SLC4A4: variants seen among roughly 807,000 people sequenced by gnomAD.
The protein encoded by SLC4A4 is electrogenic sodium bicarbonate cotransporter 1.
In SLC4A4, 27 loss-of-function variants were observed where a neutral mutation model predicts 111.5. That is an observed-to-expected ratio of 0.24 (90% CI 0.18 to 0.33). The LOEUF is 0.33. Among genes scored for constraint, SLC4A4 ranks in the 10% least tolerant of loss-of-function variants. The pLI, the probability that SLC4A4 is intolerant of heterozygous loss-of-function variation, is 1.00. For missense variants in SLC4A4, 909 were observed against 1,315.5 expected (o/e 0.69, Z 4.78); for synonymous variants, 443 against 463.4 (o/e 0.96, Z 0.57).
At chr4:71,366,938 G>A (rs1731392153) in intron 6 of SLC4A4, among the ~76,000 whole-genome samples, 1 of 152,220 alleles carries the variant, frequency 6.6e-6, no homozygotes, top group Admixed American at 6.5e-5. Context: ...TTTCATGAGG[G>A]TAAGCTGCCA....
chr4:71,444,174 A>G (rs1159408439), intron 8 of SLC4A4, among the ~76,000 whole-genome samples: 1 of 152,226 alleles, frequency 6.6e-6, no homozygotes, highest in African/African-American at 2.4e-5. Flanking sequence ...CAAGTGGTTT[A>G]GGAAGGCTAG....
intron 2 of SLC4A4, among the ~76,000 whole-genome samples, chr4:71,120,958 C>G (rs72648768): frequency 6.2e-4 from 94 of 152,144 alleles, no homozygotes; most frequent in Admixed American, 2.0e-3. Flanking sequence ...CAGGGCAGCA[C>G]GCCGCCCTCG....
At chr4:71,418,225 G>A (rs1168050573) in intron 7 of SLC4A4, among the ~76,000 whole-genome samples, 1 of 152,174 alleles carries the variant, frequency 6.6e-6, no homozygotes, top group Non-Finnish European at 1.5e-5. Context: ...TTGTAAATGT[G>A]CTGCTTTGCA....
chr4:71,466,357 T>C (rs548451759), intron 12 of SLC4A4, 87 bp from the exon 13 acceptor site: 2 of 1,466,000 alleles, frequency 1.4e-6, no homozygotes, highest in African/African-American at 2.8e-5. Context: ...TAATAGTATA[T>C]TCACGTGGCT....
At chr4:71,505,699 A>C (rs963969915) in intron 16 of SLC4A4, among the ~76,000 whole-genome samples, 3 of 151,674 alleles carry the variant, frequency 2.0e-5, no homozygotes, top group Non-Finnish European at 4.4e-5. Context: ...GTTTAATTAG[A>C]TTCTGTTTGT....
chr4:71,119,110 C>T (rs574531698), intron 2 of SLC4A4, among the ~76,000 whole-genome samples: 16 of 152,206 alleles, frequency 1.1e-4, no homozygotes, highest in Middle Eastern at 3.4e-3. Flanking sequence ...AAAAAATGTA[C>T]CACTCTGGTA....
intron 3 of SLC4A4, among the ~76,000 whole-genome samples, chr4:71,258,395 C>G (rs1040521069): frequency 6.6e-6 from 1 of 152,138 alleles, no homozygotes; most frequent in Non-Finnish European, 1.5e-5. Flanking sequence ...TCTTTCCCAA[C>G]GCCTTATGTT....
chr4:71,483,110 C>T (rs1729040897), intron 14 of SLC4A4, among the ~76,000 whole-genome samples: 1 of 151,520 alleles, frequency 6.6e-6, no homozygotes, highest in Non-Finnish European at 1.5e-5. Flanking sequence ...CATCTTCTTC[C>T]TTTTGAGAAT....
rs1737625340 is a variant in SLC4A4, at chr4:71,567,787, GTCC to G, written c.*41_*43del. 1.4e-6 allele frequency: 2 copies of G among 1,425,948 alleles called. No individual in the cohort carries two copies. The highest frequency in any genetic ancestry group is 1.5e-5 in the African/African-American group (1 of 68,258). The allele number at this position is 1,425,948 out of a possible 1,614,324, so 88.3% of individuals were successfully genotyped here. ...TACTTTTTTTTTTCCTTTTTCTCTA[GTCC>G]TCCTAGAACTCCAGTAAAAGTTGTG... On this transcript the variant is annotated splice_region_variant and 3_prime_UTR_variant, in exon 26 of 26. Coordinates refer to ENST00000264485, the MANE Select transcript of SLC4A4 (RefSeq NM_001098484.3).
chr4:71,187,074 T>A (rs957678560), upstream of SLC4A4: 4 of 151,514 alleles, frequency 2.6e-5, no homozygotes, highest in Non-Finnish European at 5.9e-5. Flanking sequence ...TTTGCCCCGC[T>A]CTCCCGCGCT....
chr4:71,325,387 G>A (rs1727426824), intron 3 of SLC4A4, among the ~76,000 whole-genome samples: 1 of 151,950 alleles, frequency 6.6e-6, no homozygotes, highest in Non-Finnish European at 1.5e-5. Flanking sequence ...AGCTCAGATT[G>A]CTTTAAAACA....
At chr4:71,178,790 T>C (rs1003375091) in intron 2 of SLC4A4, among the ~76,000 whole-genome samples, 2 of 152,196 alleles carry the variant, frequency 1.3e-5, no homozygotes, top group Non-Finnish European at 2.9e-5. Context: ...GAGGAGCTGG[T>C]ACCATTCCTT....
chr4:71,536,255 C>A (rs2149216406), intron 18 of SLC4A4, among the ~76,000 whole-genome samples: 1 of 150,742 alleles, frequency 6.6e-6, no homozygotes, highest in Non-Finnish European at 1.5e-5. Flanking sequence ...GGGGCAGCCT[C>A]CATTCAAGGG....
At chr4:71,412,869 A>C (rs4235091) in intron 7 of SLC4A4, among the ~76,000 whole-genome samples, 1 of 152,338 alleles carries the variant, frequency 6.6e-6, no homozygotes, top group Non-Finnish European at 1.5e-5. Flanking sequence ...AAACTAGTCA[A>C]TCTTTAAGTA....
chr4:71,305,501 T>C (rs1725609043), intron 3 of SLC4A4, among the ~76,000 whole-genome samples: 1 of 152,232 alleles, frequency 6.6e-6, no homozygotes, highest in Non-Finnish European at 1.5e-5. Context: ...ATTTTTTTCA[T>C]AATGTATGCT....
intron 2 of SLC4A4, among the ~76,000 whole-genome samples, chr4:71,124,532 G>T (rs1204432372): frequency 6.6e-6 from 1 of 152,018 alleles, no homozygotes; most frequent in Non-Finnish European, 1.5e-5. Context: ...GTCTTTATCA[G>T]GTTTGTTGCT....
At chr4:71,220,169 G>A (rs1718658058) in intron 1 of SLC4A4, among the ~76,000 whole-genome samples, 1 of 152,194 alleles carries the variant, frequency 6.6e-6, no homozygotes, top group Non-Finnish European at 1.5e-5. Flanking sequence ...AGAATCAATT[G>A]ATGAGGCAAA....
At chr4:71,096,452 A>G (rs1365821023) in intron 2 of SLC4A4, among the ~76,000 whole-genome samples, 1 of 152,194 alleles carries the variant, frequency 6.6e-6, no homozygotes, top group Non-Finnish European at 1.5e-5. Context: ...CGCAGAAGTG[A>G]AAGGAGAGAA....
At chr4:71,500,377 C>T (rs964043630) in intron 16 of SLC4A4, among the ~76,000 whole-genome samples, 1 of 152,186 alleles carries the variant, frequency 6.6e-6, no homozygotes, top group East Asian at 1.9e-4. Context: ...TTGATATTAA[C>T]AATAATCTTT....
Sources: allele counts gnomAD v4.1 joint callset (sites outside exome capture counted in the v4.1 genomes callset), GRCh38; gene constraint gnomAD v4.1.1; transcripts MANE v1.5; gene names NCBI Gene and HGNC (gene_info 2026-07-23, HGNC 2026-07-21).